The following TMTC1 variants were observed in gnomAD, a reference collection of about 807,000 sequenced individuals.
TMTC1 encodes protein O-mannosyl-transferase TMTC1.
A neutral mutation model predicts 104.8 loss-of-function variants in TMTC1; 73 were observed. The observed-to-expected ratio is 0.70, with a 90% confidence interval of 0.58 to 0.85. The LOEUF (loss-of-function observed/expected upper bound fraction) is 0.85, where lower values mean the gene tolerates loss of function less well. Ranked by LOEUF, TMTC1 falls within the 40% of genes least tolerant of loss-of-function variation. TMTC1 has a pLI of 0.00. For synonymous variants in TMTC1, 434 were observed against 428.7 expected (o/e 1.01, Z -0.15); for missense variants, 1,035 against 1,096.1 (o/e 0.94, Z 0.79).
chr12:29,676,716 G>T (rs537667501), intron 5 of TMTC1, among the ~76,000 whole-genome samples: 2 of 152,258 alleles, frequency 1.3e-5, no homozygotes, highest in South Asian at 4.1e-4. Context: ...CTAGGCAGGG[G>T]ATTAAAAATC....
At chr12:29,563,231 T>C (rs946679733) in intron 9 of TMTC1, among the ~76,000 whole-genome samples, 1 of 152,222 alleles carries the variant, frequency 6.6e-6, no homozygotes, top group African/African-American at 2.4e-5. Context: ...TTTTCCAATA[T>C]GCTCAAGACC....
intron 5 of TMTC1, among the ~76,000 whole-genome samples, chr12:29,697,881 C>T (rs1018944425): frequency 5.3e-5 from 8 of 151,978 alleles, no homozygotes; most frequent in Non-Finnish European, 1.0e-4. Flanking sequence ...TACTCCCAAC[C>T]AAAAAAAGAA....
intron 5 of TMTC1, among the ~76,000 whole-genome samples, chr12:29,700,824 T>C (rs1326910651): frequency 6.6e-6 from 1 of 152,178 alleles, no homozygotes. Flanking sequence ...ATATGTGATG[T>C]CTCACAGCCA....
intron 11 of TMTC1, among the ~76,000 whole-genome samples, chr12:29,524,217 C>G (rs1245143470): frequency 1.3e-5 from 2 of 152,072 alleles, no homozygotes; most frequent in African/African-American, 4.8e-5. Context: ...TCAAGAAGAT[C>G]AAATCAAGAG....
chr12:29,616,771 G>A (rs1472609504), intron 6 of TMTC1, among the ~76,000 whole-genome samples: 3 of 151,042 alleles, frequency 2.0e-5, no homozygotes, highest in African/African-American at 4.9e-5. Context: ...TATACATTTA[G>A]AGAACTTTGT....
In TMTC1 at chr12:29,639,743, A is replaced by G. The variant is rs76678879; in HGVS notation, c.939-6407T>C. Among the ~76,000 whole-genome samples, 763 of 152,342 alleles carry G rather than the reference A, an allele frequency of 5.0e-3. 6 individuals are homozygous for G. The highest frequency in any genetic ancestry group is 0.017 in the African/African-American group (726 of 41,564). On this transcript the variant is annotated intron_variant, in intron 5 of 17. Coordinates refer to ENST00000539277, the MANE Select transcript of TMTC1 (RefSeq NM_001193451.2). ...GAGACAACTCACATATCCATCTACA[A>G]TAAAATGCATACATACATTATGGAA...
At chr12:29,752,426 C>T (rs1225841511) in intron 4 of TMTC1, among the ~76,000 whole-genome samples, 1 of 152,132 alleles carries the variant, frequency 6.6e-6, no homozygotes, top group African/African-American at 2.4e-5. Context: ...CTCATTCCTG[C>T]TAGAACCATT....
At chr12:29,711,086 G>A (rs150755682) in intron 5 of TMTC1, among the ~76,000 whole-genome samples, 2 of 150,596 alleles carry the variant, frequency 1.3e-5, no homozygotes, top group African/African-American at 2.4e-5. Flanking sequence ...TGGTTCAAAC[G>A]ATCCTCTTGT....
intron 5 of TMTC1, among the ~76,000 whole-genome samples, chr12:29,648,653 G>T (rs1469186644): frequency 6.6e-6 from 1 of 152,092 alleles, no homozygotes; most frequent in Non-Finnish European, 1.5e-5. Flanking sequence ...CAAGCCAGGA[G>T]CACAGTGCTT....
chr12:29,723,647 G>C (rs1264096033), intron 5 of TMTC1, among the ~76,000 whole-genome samples: 1 of 151,988 alleles, frequency 6.6e-6, no homozygotes, highest in Non-Finnish European at 1.5e-5. Flanking sequence ...AGGAGTTCAA[G>C]ACTACAGTGA....
chr12:29,548,854 A>C (rs1458792541), intron 10 of TMTC1, among the ~76,000 whole-genome samples: 1 of 127,122 alleles, frequency 7.9e-6, no homozygotes, highest in African/African-American at 4.2e-5. Flanking sequence ...AAAATATATA[A>C]TATATAAATA....
At chr12:29,750,903 T>A (rs1356256009) in intron 5 of TMTC1, among the ~76,000 whole-genome samples, 5 of 152,324 alleles carry the variant, frequency 3.3e-5, no homozygotes, top group Non-Finnish European at 5.9e-5. Flanking sequence ...AATCAAATAT[T>A]TCCTTTGCTC....
intron 9 of TMTC1, among the ~76,000 whole-genome samples, chr12:29,569,449 ACT>A (rs1437194132): frequency 6.6e-6 from 1 of 151,926 alleles, no homozygotes; most frequent in Non-Finnish European, 1.5e-5. Context: ...TTCCCTAATC[ACT>A]CTCTTTCTTG....
chr12:29,675,630 A>AAACC (rs1555185784), intron 5 of TMTC1, among the ~76,000 whole-genome samples: 1 of 94,938 alleles, frequency 1.1e-5, no homozygotes, highest in Non-Finnish European at 2.0e-5. Context: ...ACACACACAC[A>AAACC]CCCTCCATGA....
At chr12:29,519,305 T>C (rs1332186616) in intron 12 of TMTC1, 1 of 152,158 alleles carries the variant, frequency 6.6e-6, no homozygotes, top group Non-Finnish European at 1.5e-5. Context: ...AAGAGATATT[T>C]AAAAAACCAC....
intron 5 of TMTC1, among the ~76,000 whole-genome samples, chr12:29,697,028 A>G (rs959779919): frequency 1.3e-5 from 2 of 152,256 alleles, no homozygotes; most frequent in Non-Finnish European, 2.9e-5. Context: ...AACTAGAATC[A>G]TAAGTTCCAT....
chr12:29,741,674 A>G (rs1044777600), intron 5 of TMTC1, among the ~76,000 whole-genome samples: 10 of 152,182 alleles, frequency 6.6e-5, no homozygotes, highest in African/African-American at 2.4e-4. Context: ...CATACACCCC[A>G]AAACTAATCA....
intron 5 of TMTC1, among the ~76,000 whole-genome samples, chr12:29,643,719 T>TATTTATTATA: frequency 4.9e-3 from 7 of 1,440 alleles, no homozygotes; most frequent in African/African-American, 0.02. Flanking sequence ...ATATATATAA[T>TATTTATTATA]ATATAAATAT....
At chr12:29,651,836 CAGA>C (rs1263028413) in intron 5 of TMTC1, among the ~76,000 whole-genome samples, 2 of 147,124 alleles carry the variant, frequency 1.4e-5, no homozygotes, top group Non-Finnish European at 1.5e-5. Flanking sequence ...AAAGGAGGAA[CAGA>C]AAATGAAGAA....
Sources: allele counts gnomAD v4.1 joint callset (sites outside exome capture counted in the v4.1 genomes callset), GRCh38; gene constraint gnomAD v4.1.1; transcripts MANE v1.5; gene names NCBI Gene and HGNC (gene_info 2026-07-23, HGNC 2026-07-21).